Variants in NFATC2 observed in about 807,000 individuals in gnomAD.
The protein encoded by NFATC2 is nuclear factor of activated T-cells, cytoplasmic 2.
NFATC2 carries 22 observed loss-of-function variants against 87.3 expected under a neutral mutation model. The observed-to-expected ratio is 0.25, with a 90% CI of 0.18 to 0.36. The LOEUF is 0.36. Ranked by LOEUF, NFATC2 falls within the 10% of genes least tolerant of loss-of-function variation. The pLI is 1.00. For synonymous variants in NFATC2, 565 were observed against 542.2 expected, an observed-to-expected ratio of 1.04 and a Z score of -0.58; for missense variants, 1,149 against 1,259.1, an observed-to-expected ratio of 0.91 and a Z score of 1.32.
At chr20:51,447,201 G>A (rs533237801) in intron 6 of NFATC2, among the ~76,000 whole-genome samples, 3 of 152,300 alleles carry the variant, frequency 2.0e-5, no homozygotes, top group Non-Finnish European at 4.4e-5. Flanking sequence ...TGATGACTCA[G>A]TGGGAAAGAG....
At position 51,476,910 on chromosome 20, in the gene NFATC2, T is replaced by TG. The variant is rs750713298; in HGVS notation, c.1333-1251dup. Among the ~76,000 whole-genome samples, 130 of 152,166 alleles carry TG rather than the reference T, an allele frequency of 8.5e-4. 1 individual carries two copies. Among genetic ancestry groups the TG allele is most frequent in the Non-Finnish European group, 1.8e-3 (124 of 68,022 alleles). The stretch of plus-strand genomic sequence containing the variant: ...ATAATATCAAGTATTTTGGAGATTG[T>TG]GGGGGAACAGGCACTTTTATGCAGG... On this transcript the variant is annotated intron_variant, in intron 3 of 10. Transcript: ENST00000371564.
At chr20:51,405,516 T>A (rs1195298609) in intron 9 of NFATC2, among the ~76,000 whole-genome samples, 1 of 152,342 alleles carries the variant, frequency 6.6e-6, no homozygotes, top group African/African-American at 2.4e-5. Flanking sequence ...CAAGCTTTCA[T>A]AGGCACTGCC....
At chr20:51,503,746 A>T (rs1262559775) in intron 3 of NFATC2, among the ~76,000 whole-genome samples, 1 of 152,222 alleles carries the variant, frequency 6.6e-6, no homozygotes, top group East Asian at 1.9e-4. Flanking sequence ...AGCCAAACAC[A>T]GGGAGAGGAG....
Position 51,391,386 on chromosome 20 carries a change from A to G in NFATC2, c.*110T>C. 6.9e-7 allele frequency: 1 copy of G among 1,442,216 alleles called. No individual in the cohort carries two copies. The highest frequency in any genetic ancestry group is 9.3e-7 in the Non-Finnish European group (1 of 1,071,294). 89.3% of individuals were successfully genotyped at this position (1,442,216 alleles called of 1,614,324 possible). A position where few individuals can be genotyped will look rare whatever the true frequency, so the allele number is the denominator to read the frequency against. ...CAGATACAGAAGGTGTCTTGCTATA[A>G]TGGCTTCTTTTACGTCTGATTTCTG... On this transcript the variant is annotated 3_prime_UTR_variant, in exon 11 of 11. Transcript: ENST00000371564.
At chr20:51,525,484 G>A (rs1308874439) in intron 1 of NFATC2, among the ~76,000 whole-genome samples, 2 of 152,184 alleles carry the variant, frequency 1.3e-5, no homozygotes, top group East Asian at 1.9e-4. Flanking sequence ...GTCCAGGCAC[G>A]TGGGGCTGCT....
rs149481475 is a variant in NFATC2, at chr20:51,404,255, C to G, written c.2723-5525G>C. Among the ~76,000 whole-genome samples, 1,358 of 152,332 alleles carry G rather than the reference C, an allele frequency of 8.9e-3. 7 individuals are homozygous for G. The highest frequency in any genetic ancestry group is 0.013 in the Non-Finnish European group (856 of 68,036). On this transcript the variant is annotated intron_variant, in intron 9 of 10. Coordinates refer to ENST00000371564, the MANE Select transcript of NFATC2 (RefSeq NM_012340.5). Reference sequence around the variant, plus strand: ...CAGAGTCCCAGGGACACACAGACAGCTGGGGTCCAAATCCCAGCTCTGCCA... The same window carrying G: ...CAGAGTCCCAGGGACACACAGACAGGTGGGGTCCAAATCCCAGCTCTGCCA...
rs368399224 is a variant in NFATC2, at chr20:51,537,464, A to G, written c.130+4906T>C. Among the ~76,000 whole-genome samples the G allele has an allele frequency of 1.4e-4, 21 of 152,328 alleles. No homozygotes were observed. The East Asian group carries it at 3.7e-3, about 27-fold the overall frequency. On this transcript the variant is annotated intron_variant, in intron 1 of 10. Coordinates refer to ENST00000371564, the MANE Select transcript of NFATC2 (RefSeq NM_012340.5). The stretch of plus-strand genomic sequence containing the variant: ...CAGAAGGAACCAGTTTTCCTTTCTG[A>G]AAGGCCGAAGTTGGTATTAAATGCT...
chr20:51,432,044 G>A lies in NFATC2; in HGVS notation c.2722+23C>T, dbSNP rs1194646214. 6 of 1,511,584 alleles carry A rather than the reference G, an allele frequency of 4.0e-6. No homozygotes were observed. The highest frequency in any genetic ancestry group is 1.8e-4 in the Middle Eastern group (1 of 5,558). 93.6% of individuals were successfully genotyped at this position (1,511,584 alleles called of 1,614,324 possible). A position where few individuals can be genotyped will look rare whatever the true frequency, so the allele number is the denominator to read the frequency against. ...CTTCAGGGCACCATCCTTACAGGCAGTGACAAAACTCAAGCGTCTTACCAT... is the reference window on the plus strand; with the variant it reads ...CTTCAGGGCACCATCCTTACAGGCAATGACAAAACTCAAGCGTCTTACCAT... On this transcript the variant is annotated intron_variant, in intron 9 of 10. Transcript: ENST00000371564. The surrounding 1 kb of genome is among the most constrained non-coding windows in gnomAD (Gnocchi z 4.6).
Position 51,391,058 on chromosome 20 carries a change from C to T in NFATC2, c.*438G>A. 2.3e-6 allele frequency: 1 copy of T among 443,568 alleles called. No homozygotes were observed. Among genetic ancestry groups the T allele is most frequent in the Admixed American group, 3.1e-5 (1 of 32,098 alleles). The allele number at this position is 443,568 out of a possible 1,614,324, so 27.5% of individuals were successfully genotyped here. On this transcript the variant is annotated 3_prime_UTR_variant, in exon 11 of 11. Coordinates refer to ENST00000371564, the MANE Select transcript of NFATC2 (RefSeq NM_012340.5). ...CACATCTTCTGTCCCCCGTCCATCC[C>T]CCCAAGCTCCAGTCACTCTGTTCTC...
intron 6 of NFATC2, among the ~76,000 whole-genome samples, chr20:51,446,666 A>C (rs1203020091): frequency 2.6e-5 from 4 of 152,256 alleles, no homozygotes; most frequent in Non-Finnish European, 4.4e-5. Context: ...CCTGTTCTTC[A>C]ATGCAGGGGA....
chr20:51,422,302 G>A (rs1435671613), intron 9 of NFATC2, among the ~76,000 whole-genome samples: 2 of 152,218 alleles, frequency 1.3e-5, no homozygotes, highest in African/African-American at 4.8e-5. Context: ...GGATGAGACA[G>A]ATGTCATCCC....
rs1568926639 is a variant in NFATC2 at position 51,398,667 on chromosome 20, A to G, written c.*20T>C. ...CCTTTAACTTTGATTTCTCGGATCAAAGATCACAGTCATTCTGTTTCATAA... is the reference window on the plus strand; with the variant it reads ...CCTTTAACTTTGATTTCTCGGATCAGAGATCACAGTCATTCTGTTTCATAA... On this transcript the variant is annotated 3_prime_UTR_variant, in exon 10 of 11. Coordinates refer to ENST00000371564, the MANE Select transcript of NFATC2 (RefSeq NM_012340.5). 1 of 1,611,310 alleles carries G rather than the reference A, an allele frequency of 6.2e-7. No individual in the cohort carries two copies. The highest frequency in any genetic ancestry group is 1.3e-5 in the African/African-American group (1 of 74,978).
intron 1 of NFATC2, among the ~76,000 whole-genome samples, chr20:51,529,982 T>C (rs770560193): frequency 6.6e-6 from 1 of 152,176 alleles, no homozygotes; most frequent in Admixed American, 6.5e-5. Context: ...GTTTTGAGTA[T>C]AGAGTTTGAC....
intron 1 of NFATC2, among the ~76,000 whole-genome samples, chr20:51,534,069 G>A (rs2076679916): frequency 6.6e-6 from 1 of 152,184 alleles, no homozygotes; most frequent in South Asian, 2.1e-4. Context: ...TGTGCCGCAA[G>A]CTTTCACGTG....
At chr20:51,530,845 T>C (rs1240039564) in intron 1 of NFATC2, among the ~76,000 whole-genome samples, 1 of 152,160 alleles carries the variant, frequency 6.6e-6, no homozygotes, top group Non-Finnish European at 1.5e-5. Context: ...GCAGCTCTTC[T>C]ACACTCCCAG....
intron 3 of NFATC2, among the ~76,000 whole-genome samples, chr20:51,494,807 T>C (rs1201637109): frequency 1.3e-5 from 2 of 152,202 alleles, no homozygotes; most frequent in East Asian, 3.9e-4. Flanking sequence ...TTAAGGATTA[T>C]TGAATCCCCG....
intron 1 of NFATC2, among the ~76,000 whole-genome samples, chr20:51,530,653 T>C (rs2076618377): frequency 1.3e-5 from 2 of 152,234 alleles, no homozygotes; most frequent in South Asian, 4.2e-4. Flanking sequence ...GATGGGGGAT[T>C]CAGAGGTTGC....
At chr20:51,554,211 C>T (rs747471757) in intron 1 of NFATC2, among the ~76,000 whole-genome samples, 2 of 152,224 alleles carry the variant, frequency 1.3e-5, no homozygotes, top group Non-Finnish European at 2.9e-5. Flanking sequence ...AATCACTAGA[C>T]CTCACCTAAG....
chr20:51,401,460 C>T (rs1463825830), intron 9 of NFATC2, among the ~76,000 whole-genome samples: 1 of 152,134 alleles, frequency 6.6e-6, no homozygotes, highest in Non-Finnish European at 1.5e-5. Context: ...AGAGGCCATT[C>T]CAATAACCAA....
Sources: gnomAD v4.1 joint callset for allele counts (sites outside exome capture counted in the v4.1 genomes callset) on GRCh38, gnomAD v4.1.1 for gene constraint, Gnocchi (gnomAD v3.1) non-coding constraint, MANE v1.5 for transcripts, NCBI Gene and HGNC (gene_info 2026-07-23, HGNC 2026-07-21) for gene names.